LFNG: variants seen among roughly 807,000 people sequenced by gnomAD.
The protein encoded by LFNG is beta-1,3-N-acetylglucosaminyltransferase lunatic fringe.
A neutral mutation model predicts 32.7 loss-of-function variants in LFNG; 15 were observed. The observed-to-expected ratio is 0.46, with a 90% CI of 0.31 to 0.71. LFNG has a LOEUF of 0.71. Ranked by LOEUF, LFNG falls within the 30% of genes least tolerant of loss-of-function variation. The pLI, the probability that LFNG is intolerant of heterozygous loss-of-function variation, is 0.06. For synonymous variants in LFNG, 274 were observed against 246.8 expected, an observed-to-expected ratio of 1.11 and a Z score of -1.03; for missense variants, 520 against 545.7, an observed-to-expected ratio of 0.95 and a Z score of 0.47.
chr7:2,529,093 C>T, downstream of LFNG: 1 of 391,560 alleles, frequency 2.6e-6, no homozygotes, highest in East Asian at 3.7e-5. This position sits in a 1 kb window ranked among gnomAD's most constrained non-coding sequence, Gnocchi z 4.2. Flanking sequence ...CCGGAGCCCC[C>T]ACTGCAGCTG....
At chr7:2,524,364 G>A (rs1036116520) in intron 1 of LFNG, among the ~76,000 whole-genome samples, 1 of 152,212 alleles carries the variant, frequency 6.6e-6, no homozygotes, top group Non-Finnish European at 1.5e-5. Context: ...GTCGGGAACC[G>A]GTTACCTGGC....
chr7:2,513,620 G>A (rs369334758), upstream of LFNG, among the ~76,000 whole-genome samples: 1 of 152,180 alleles, frequency 6.6e-6, no homozygotes, highest in Admixed American at 6.5e-5. Context: ...TGACTAGGGT[G>A]GGGGGTCATG....
chr7:2,527,643 G>A lies in LFNG; in HGVS notation c.*431G>A. The A allele has an allele frequency of 8.7e-7, 1 of 1,152,762 alleles. No individual in the cohort carries two copies. The highest frequency in any genetic ancestry group is 1.1e-6 in the Non-Finnish European group (1 of 924,312). The allele number at this position is 1,152,762 out of a possible 1,614,324, so 71.4% of individuals were successfully genotyped here. ...GGGGTACCTGTGCCCTGAAGTCCTG[G>A]CCCCTGTGTCATAGCCCCAAGTACG... On this transcript the variant is annotated 3_prime_UTR_variant, in exon 8 of 8. Coordinates refer to ENST00000222725, the MANE Select transcript of LFNG (RefSeq NM_001040167.2). The surrounding 1 kb of genome is among the most constrained non-coding windows in gnomAD (Gnocchi z 4.4).
intron 2 of LFNG, 75 bp from the exon 3 acceptor site, chr7:2,525,144 C>G: frequency 7.5e-7 from 1 of 1,326,796 alleles, no homozygotes; most frequent in East Asian, 2.4e-5. Flanking sequence ...CCCCTGGGCC[C>G]TGTGGCGTCC....
rs116575192 is a variant in LFNG at position 2,525,070 on chromosome 7, C to G, written c.482-149C>G. On this transcript the variant is annotated intron_variant, in intron 2 of 7. Transcript: ENST00000222725. ...GCGGGAGGGTCCACAGGCCCAAGCC[C>G]CGAGCTAGGGTGGGGGAGGCTACGG... The G allele has an allele frequency of 1.9e-3, 1,447 of 749,074 alleles. 14 individuals carry two copies. In the African/African-American group the frequency reaches 0.021, roughly 11 times the overall value. The allele number at this position is 749,074 out of a possible 1,614,324, so 46.4% of individuals were successfully genotyped here.
At chr7:2,529,087 AG>A (rs1780079808), downstream of LFNG, 1 of 394,080 alleles carries the variant, frequency 2.5e-6, no homozygotes, top group African/African-American at 2.1e-5. The surrounding 1 kb of genome is among the most constrained non-coding windows in gnomAD (Gnocchi z 4.2). Flanking sequence ...GCAGTGCCGG[AG>A]CCCCCACTGC....
upstream of LFNG, among the ~76,000 whole-genome samples, chr7:2,516,328 C>G (rs1010797254): frequency 6.6e-6 from 1 of 152,228 alleles, no homozygotes; most frequent in Non-Finnish European, 1.5e-5. Context: ...AATGGGTCAC[C>G]CATTATGTCT....
At chr7:2,518,735 G>T, upstream of LFNG, 1 of 1,240,554 alleles carries the variant, frequency 8.1e-7, no homozygotes. Context: ...GCTTAGGAGG[G>T]CACGGGAAGA....
chr7:2,525,223 C>T lies in LFNG; in HGVS notation c.486C>T (p.Asn162=), dbSNP rs138923876. Residue 162 remains asparagine (N), a synonymous_variant, in exon 3 of 8, where the codon AAC becomes AAT. Transcript: ENST00000222725. The part of the protein sequence containing the change: ...EDEALARHTG[N]VVITNCSAAH... Reference sequence around the variant, plus strand: ...CAGCCGCTCCCCTGTCCACAGGCAACGTGGTCATCACAAACTGCTCGGCCG... The same window carrying T: ...CAGCCGCTCCCCTGTCCACAGGCAATGTGGTCATCACAAACTGCTCGGCCG... 2.0e-5 allele frequency: 33 copies of T among 1,612,686 alleles called. No homozygotes were observed. The highest frequency in any genetic ancestry group is 2.0e-4 in the East Asian group (9 of 44,874).
Position 2,520,097 on chromosome 7 carries a change from G to A in LFNG, c.236G>A (p.Ser79Asn). The A allele has an allele frequency of 1.5e-6, 2 of 1,339,230 alleles. No individual in the cohort carries two copies. Among genetic ancestry groups the A allele is most frequent in the Non-Finnish European group, 9.7e-7 (1 of 1,035,256 alleles). 83.0% of individuals were successfully genotyped at this position (1,339,230 alleles called of 1,614,324 possible). The change falls in exon 1 of 8, where the codon AGC becomes AAC. Residue 79 changes from serine to asparagine, a missense_variant. This residue lies in a region of LFNG where 360 missense variants were observed against 354.7 expected (regional missense o/e 1.01). Transcript: ENST00000222725. This position sits in a 1 kb window ranked among gnomAD's most constrained non-coding sequence, Gnocchi z 5.0. ...RDVHSLSEYF[S>N]LLTRARRDAG... ...GTGCACAGTCTGTCCGAGTACTTCA[G>A]CCTGCTCACCCGCGCGCGCAGAGAT...
upstream of LFNG, among the ~76,000 whole-genome samples, chr7:2,515,580 C>T (rs1285883722): frequency 1.3e-5 from 2 of 152,248 alleles, no homozygotes; most frequent in Non-Finnish European, 2.9e-5. Context: ...CCTCTCTGTC[C>T]ATGCCTGACC....
chr7:2,526,396 A>G lies in LFNG; in HGVS notation c.974A>G (p.Glu325Gly). Residue 325 changes from glutamate (E) to glycine (G), a missense_variant, in exon 6 of 8, where the codon GAG becomes GGG. Transcript: ENST00000222725. This position sits in a 1 kb window ranked among gnomAD's most constrained non-coding sequence, Gnocchi z 6.9. ...AACCTGCAGCAGGTGCCCACCTCGG[A>G]GCTCCACGAGCAGGTGCACCATCCT... ...LENLQQVPTSELHEQVTLSYG... is the reference protein window; with the variant it reads ...LENLQQVPTSGLHEQVTLSYG... 6.2e-7 allele frequency: 1 copy of G among 1,607,996 alleles called. No individual in the cohort carries two copies.
upstream of LFNG, chr7:2,517,754 T>A (rs1454034491): frequency 6.1e-6 from 4 of 653,112 alleles, no homozygotes; most frequent in Non-Finnish European, 9.8e-6. Flanking sequence ...TGGCCATGCT[T>A]GGCTGCAGGG....
chr7:2,525,387 C>T, intron 3 of LFNG, 27 bp from the exon 4 acceptor site: 2 of 1,612,632 alleles, frequency 1.2e-6, no homozygotes, highest in Non-Finnish European at 1.7e-6. Flanking sequence ...GGCATGCCCT[C>T]CCCCGATGGC....
upstream of LFNG, among the ~76,000 whole-genome samples, chr7:2,518,313 G>C (rs1009024145): frequency 3.3e-5 from 5 of 152,168 alleles, no homozygotes; most frequent in Admixed American, 1.3e-4. Context: ...CCATCTGCTG[G>C]GGCATCTGCT....
rs1044613996 is a variant in LFNG, at chr7:2,527,680, C to T, written c.*468C>T. The T allele has an allele frequency of 1.9e-5, 21 of 1,100,422 alleles. No individual in the cohort carries two copies. The South Asian group carries it at 3.3e-4, about 17-fold the overall frequency. The allele number at this position is 1,100,422 out of a possible 1,614,324, so 68.2% of individuals were successfully genotyped here. On this transcript the variant is annotated 3_prime_UTR_variant, in exon 8 of 8. Transcript: ENST00000222725. This position sits in a 1 kb window ranked among gnomAD's most constrained non-coding sequence, Gnocchi z 4.4. ...TAGCCCCAAGTACGACTCACTGAGC[C>T]ATGCTCATTGCAGGGGAGGCTGGGT...
intron 1 of LFNG, among the ~76,000 whole-genome samples, chr7:2,524,275 C>T (rs1562553465): frequency 1.3e-5 from 2 of 152,208 alleles, no homozygotes; most frequent in African/African-American, 4.8e-5. Flanking sequence ...GCCTGTCCCC[C>T]GCCTTTCCAG....
chr7:2,519,669 C>A (rs1300802081), upstream of LFNG, among the ~76,000 whole-genome samples: 1 of 149,136 alleles, frequency 6.7e-6, no homozygotes, highest in Non-Finnish European at 1.5e-5. Context: ...GGGCGTGGAG[C>A]GGCGACCGGC....
upstream of LFNG, among the ~76,000 whole-genome samples, chr7:2,512,978 G>C (rs2128372748): frequency 6.6e-6 from 1 of 152,022 alleles, no homozygotes; most frequent in East Asian, 1.9e-4. Flanking sequence ...ACCTCCACCT[G>C]CCCAAGCCTT....
Sources: allele counts gnomAD v4.1 joint callset (sites outside exome capture counted in the v4.1 genomes callset), GRCh38; gene constraint gnomAD v4.1.1; regional missense constraint gnomAD v4.1.1; non-coding constraint Gnocchi (gnomAD v3.1); transcripts MANE v1.5; gene names NCBI Gene and HGNC (gene_info 2026-07-23, HGNC 2026-07-21).